The following ASIC2 variants were observed in gnomAD, a reference collection of about 807,000 sequenced individuals.
ASIC2 encodes acid-sensing ion channel 2.
ASIC2 carries 25 observed loss-of-function variants against 57.3 expected under a neutral mutation model. That is an observed-to-expected ratio of 0.44 (90% CI 0.32 to 0.61). ASIC2 has a LOEUF of 0.61. ASIC2 is among the 20% of genes least tolerant of loss of function. ASIC2 has a pLI of 0.06. For synonymous variants in ASIC2, 319 were observed against 307.5 expected (o/e 1.04, Z -0.39); for missense variants, 641 against 738.1 (o/e 0.87, Z 1.52).
At chr17:33,167,705 G>A (rs1262849280) in intron 1 of ASIC2, among the ~76,000 whole-genome samples, 3 of 152,172 alleles carry the variant, frequency 2.0e-5, no homozygotes, top group Non-Finnish European at 2.9e-5. Flanking sequence ...GACTCTATGA[G>A]CCATGCTCAG....
At chr17:33,245,170 A>G (rs1908648707) in intron 1 of ASIC2, among the ~76,000 whole-genome samples, 1 of 152,182 alleles carries the variant, frequency 6.6e-6, no homozygotes, top group Non-Finnish European at 1.5e-5. Flanking sequence ...TCATAGTTCT[A>G]GTTACTCCTT....
chr17:33,502,361 G>T (rs1011864927), intron 1 of ASIC2, among the ~76,000 whole-genome samples: 7 of 152,320 alleles, frequency 4.6e-5, no homozygotes, highest in South Asian at 2.1e-4. Flanking sequence ...GACATCCCAA[G>T]TACCTGGGGT....
chr17:33,967,522 A>G (rs1404974017), intron 1 of ASIC2, among the ~76,000 whole-genome samples: 3 of 152,222 alleles, frequency 2.0e-5, no homozygotes, highest in African/African-American at 2.4e-5. Flanking sequence ...GGTATAAGCC[A>G]TCACGCCTGG....
chr17:34,072,270 T>C (rs1019478443), intron 1 of ASIC2: 2 of 152,256 alleles, frequency 1.3e-5, no homozygotes, highest in African/African-American at 4.8e-5. Context: ...TCAGTCTCCG[T>C]CGTGTGGCTC....
rs1244403629 is a variant in ASIC2 at position 33,111,985 on chromosome 17, G to GT, written c.790dup (p.Thr264AsnfsTer15). 1 of 1,613,966 alleles carries GT rather than the reference G, an allele frequency of 6.2e-7. No individual in the cohort carries two copies. On this transcript the variant is annotated frameshift_variant, in exon 2 of 10. Transcript: ENST00000225823. LOFTEE classifies it high-confidence loss of function. ...CAGCATGATCTCCAGCCCGTTGCCTGTCCCCCCCTTGACCGTGGTGAGCAG... is the reference window on the plus strand; with the variant it reads ...CAGCATGATCTCCAGCCCGTTGCCTGTTCCCCCCCTTGACCGTGGTGAGCAG...
chr17:33,526,661 T>TG (rs1567639696), intron 1 of ASIC2, among the ~76,000 whole-genome samples: 1,921 of 152,246 alleles, frequency 0.013, no homozygotes, highest in African/African-American at 0.045. Context: ...CAGGCCCTTA[T>TG]ACAGCCAGGG....
At chr17:33,664,992 A>T (rs1216837509) in intron 1 of ASIC2, among the ~76,000 whole-genome samples, 4 of 152,238 alleles carry the variant, frequency 2.6e-5, no homozygotes, top group African/African-American at 9.6e-5. Context: ...ACTCTTTGAA[A>T]TATCCAAGCA....
chr17:34,117,981 C>A (rs895888402), intron 1 of ASIC2, among the ~76,000 whole-genome samples: 2 of 152,170 alleles, frequency 1.3e-5, no homozygotes, highest in Admixed American at 6.5e-5. Flanking sequence ...TCTAGTGCAA[C>A]TTCTTAGCCA....
chr17:33,980,601 TC>T (rs1374371759), intron 1 of ASIC2: 1 of 152,164 alleles, frequency 6.6e-6, no homozygotes, highest in African/African-American at 2.4e-5. Flanking sequence ...GCTTCCCAGG[TC>T]CCTCTTCAAG....
chr17:34,149,119 T>TTA, intron 1 of ASIC2, among the ~76,000 whole-genome samples: 1 of 151,496 alleles, frequency 6.6e-6, no homozygotes, highest in Admixed American at 6.6e-5. Flanking sequence ...CTTTTCTTTT[T>TTA]TTTTTGAGAC....
chr17:33,433,611 G>A (rs2036536), intron 1 of ASIC2, among the ~76,000 whole-genome samples: 58,310 of 151,918 alleles, frequency 0.38, 11,632 homozygotes, highest in Non-Finnish European at 0.42. Context: ...TTAGTGGGGC[G>A]TGGTGGTGTG....
intron 1 of ASIC2, among the ~76,000 whole-genome samples, chr17:33,685,872 A>G (rs2142060624): frequency 6.6e-6 from 1 of 152,234 alleles, no homozygotes; most frequent in African/African-American, 2.4e-5. Context: ...AGCTATGTCA[A>G]AAAAGGACCA....
At chr17:33,700,208 A>G (rs1908654168) in intron 1 of ASIC2, among the ~76,000 whole-genome samples, 1 of 152,254 alleles carries the variant, frequency 6.6e-6, no homozygotes, top group African/African-American at 2.4e-5. Flanking sequence ...GTTAGAATAG[A>G]AATAAATCTT....
Position 33,037,662 on chromosome 17 carries a change from A to G in ASIC2, c.988-9270T>C, listed in dbSNP as rs370591569. On this transcript the variant is annotated intron_variant, in intron 3 of 9. Transcript: ENST00000225823. ...AAGAACTGTCTCAGGGAAGAATTAG[A>G]TTTGTTTTCTGGCATCCCAAGGGAA... 5.3e-5 allele frequency among the ~76,000 whole-genome samples: 8 copies of G among 152,146 alleles called. No homozygotes were observed. The East Asian group carries it at 1.2e-3, about 22-fold the overall frequency.
chr17:33,269,212 T>C (rs1904347851), intron 1 of ASIC2, among the ~76,000 whole-genome samples: 1 of 152,056 alleles, frequency 6.6e-6, no homozygotes, highest in Admixed American at 6.6e-5. Flanking sequence ...GCCACATGGG[T>C]AGAGTAATAA....
intron 1 of ASIC2, among the ~76,000 whole-genome samples, chr17:33,782,148 A>G (rs147636671): frequency 2.3e-4 from 35 of 152,286 alleles, no homozygotes; most frequent in African/African-American, 7.9e-4. Flanking sequence ...TAGAGCAAAC[A>G]TTTTTAATTT....
intron 1 of ASIC2, among the ~76,000 whole-genome samples, chr17:34,021,964 A>G (rs1907179180): frequency 6.6e-6 from 1 of 150,634 alleles, no homozygotes; most frequent in Non-Finnish European, 1.5e-5. Flanking sequence ...CAGCCTCCCG[A>G]GTAGCTGGGA....
intron 1 of ASIC2, among the ~76,000 whole-genome samples, chr17:33,319,125 G>A (rs1401261784): frequency 6.6e-6 from 1 of 152,216 alleles, no homozygotes; most frequent in Non-Finnish European, 1.5e-5. Context: ...AGCTACTCAG[G>A]AGGCTGAGGC....
intron 1 of ASIC2, among the ~76,000 whole-genome samples, chr17:33,874,221 T>A (rs1406359133): frequency 6.6e-6 from 1 of 152,160 alleles, no homozygotes; most frequent in Non-Finnish European, 1.5e-5. Context: ...CAAGAACTCC[T>A]TAGAATGTCT....
Sources: gnomAD v4.1 joint callset for allele counts (sites outside exome capture counted in the v4.1 genomes callset) on GRCh38, gnomAD v4.1.1 for gene constraint, MANE v1.5 for transcripts, NCBI Gene and HGNC (gene_info 2026-07-23, HGNC 2026-07-21) for gene names.